TMX4: variants seen among roughly 807,000 people sequenced by gnomAD.
The protein encoded by TMX4 is thioredoxin related transmembrane protein 4, also known as thioredoxin-related transmembrane protein 4.
Under a neutral mutation model 33.3 loss-of-function variants are expected in TMX4, and 23 were observed. The observed-to-expected ratio is 0.69, with a 90% CI of 0.50 to 0.98. TMX4 has a LOEUF of 0.98. Among genes scored for constraint, TMX4 ranks in the 50% least tolerant of loss-of-function variants. The probability of loss-of-function intolerance (pLI) is 0.00; values close to 1 mark genes in which losing one functional copy is unlikely to be tolerated. For missense variants in TMX4, 399 were observed against 448.9 expected (o/e 0.89, Z 1.01); for synonymous variants, 164 against 161.5 (o/e 1.02, Z -0.12).
At chr20:8,018,368 G>GGAGGGAGAGA (rs2050786909) in intron 1 of TMX4, among the ~76,000 whole-genome samples, 4 of 67,906 alleles carry the variant, frequency 5.9e-5, no homozygotes, top group African/African-American at 3.2e-4. Context: ...GAGAGAGAGA[G>GGAGGGAGAGA]GAGAGAGAGG....
chr20:8,006,827 C>T (rs2050732877), intron 2 of TMX4, among the ~76,000 whole-genome samples: 1 of 150,560 alleles, frequency 6.6e-6, no homozygotes, highest in African/African-American at 2.5e-5. Flanking sequence ...AGCGCTATCT[C>T]GGCTCACTGC....
Position 8,001,749 on chromosome 20 carries a change from T to C in TMX4, c.293-208A>G, listed in dbSNP as rs147212039. 2.0e-5 allele frequency among the ~76,000 whole-genome samples: 3 copies of C among 152,322 alleles called. No individual in the cohort carries two copies. In the East Asian group the frequency reaches 5.8e-4, roughly 29 times the overall value. On this transcript the variant is annotated intron_variant, in intron 2 of 7. Transcript: ENST00000246024. ...GACATACAACTTGCATCACTTGGAT[T>C]GTAAGGAGGCTGAAAGGATAGGATT...
At chr20:7,990,136 A>T (rs1166093382) in intron 5 of TMX4, among the ~76,000 whole-genome samples, 1 of 152,066 alleles carries the variant, frequency 6.6e-6, no homozygotes, top group East Asian at 1.9e-4. Context: ...CTCTAACAAA[A>T]ATACAAAAAT....
chr20:7,990,708 T>G (rs2050650815), intron 5 of TMX4, among the ~76,000 whole-genome samples: 1 of 152,238 alleles, frequency 6.6e-6, no homozygotes, highest in African/African-American at 2.4e-5. Flanking sequence ...AGAGTTCACC[T>G]GTGTCATAGG....
rs563118333 is a variant in TMX4 at position 7,999,587 on chromosome 20, C to G, written c.467+145G>C. 2.2e-4 allele frequency: 194 copies of G among 894,466 alleles called. No individual in the cohort carries two copies. The African/African-American group carries it at 3.1e-3, about 14-fold the overall frequency. 55.4% of individuals were successfully genotyped at this position (894,466 alleles called of 1,614,324 possible). On this transcript the variant is annotated intron_variant, in intron 4 of 7. Coordinates refer to ENST00000246024, the MANE Select transcript of TMX4 (RefSeq NM_021156.4). ...TATGTAGGTCACAAAATCAGAAATA[C>G]TGCATGGGCTAAGCATGGCCATGAG...
intron 2 of TMX4, among the ~76,000 whole-genome samples, chr20:8,006,006 G>A (rs940153408): frequency 1.4e-5 from 2 of 139,420 alleles, no homozygotes; most frequent in Non-Finnish European, 3.1e-5. Context: ...TGATAAGGCA[G>A]GGGGGTGTCT....
rs2050604063 is a variant in TMX4 at position 7,981,162 on chromosome 20, A to G, written c.*1089T>C. 1 of 152,204 alleles carries G rather than the reference A, an allele frequency of 6.6e-6. No homozygotes were observed. The highest frequency in any genetic ancestry group is 1.5e-5 in the Non-Finnish European group (1 of 68,030). 9.4% of individuals were successfully genotyped at this position (152,204 alleles called of 1,614,324 possible). On this transcript the variant is annotated 3_prime_UTR_variant, in exon 8 of 8. Transcript: ENST00000246024. The stretch of plus-strand genomic sequence containing the variant: ...GAAGATTACAGAAGATGGAAACAAA[A>G]TCAAATCTTTCACTTTCAGGTACTG...
At position 7,979,433 on chromosome 20, in the gene TMX4, T is replaced by C. The variant is rs1166397730; in HGVS notation, c.*2818A>G. The C allele has an allele frequency of 6.6e-6, 1 of 152,128 alleles. No individual in the cohort carries two copies. Among genetic ancestry groups the C allele is most frequent in the African/African-American group, 2.4e-5 (1 of 41,424 alleles). 9.4% of individuals were successfully genotyped at this position (152,128 alleles called of 1,614,324 possible). ...CACCCTTCAATTTTTTTTAAAAGTA[T>C]TTCTGAGAAAGAAAGTACATTTTCT... On this transcript the variant is annotated 3_prime_UTR_variant, in exon 8 of 8. Coordinates refer to ENST00000246024, the MANE Select transcript of TMX4 (RefSeq NM_021156.4).
chr20:8,011,692 A>T (rs2050753884), intron 1 of TMX4, among the ~76,000 whole-genome samples: 1 of 152,122 alleles, frequency 6.6e-6, no homozygotes, highest in African/African-American at 2.4e-5. Context: ...CCAAAGCCAA[A>T]GCATTCATTA....
chr20:8,017,496 GT>G (rs2050780874), intron 1 of TMX4, among the ~76,000 whole-genome samples: 1 of 152,166 alleles, frequency 6.6e-6, no homozygotes, highest in Admixed American at 6.5e-5. Flanking sequence ...AAGCACAGAT[GT>G]TGTTGGCTCT....
intron 3 of TMX4, among the ~76,000 whole-genome samples, chr20:8,000,117 T>A (rs2050698045): frequency 6.6e-6 from 1 of 152,192 alleles, no homozygotes; most frequent in Non-Finnish European, 1.5e-5. Flanking sequence ...CTTGGCAGTG[T>A]TTAATATGCC....
In TMX4 at chr20:7,982,493, G is replaced by T. The variant is rs1469338269; in HGVS notation, c.808C>A (p.Leu270Ile). Reference protein sequence around the residue: ...LVDDEEEKEDLGDEDEAEEEE... With the variant: ...LVDDEEEKEDIGDEDEAEEEE... ...TCCTCTGCTTCATCCTCATCGCCAA[G>T]ATCTTCTTTCTCTTCTTCATCATCT... The change falls in exon 8 of 8, where the codon CTT becomes ATT. Residue 270 changes from leucine (L) to isoleucine (I), a missense_variant. Transcript: ENST00000246024. 1.9e-6 allele frequency: 3 copies of T among 1,613,792 alleles called. No individual in the cohort carries two copies. The highest frequency in any genetic ancestry group is 2.5e-6 in the Non-Finnish European group (3 of 1,179,842).
intron 6 of TMX4, among the ~76,000 whole-genome samples, chr20:7,986,872 G>GAAC (rs990378527): frequency 2.0e-5 from 3 of 151,630 alleles, no homozygotes; most frequent in Non-Finnish European, 2.9e-5. Context: ...TGGAGGATAA[G>GAAC]AACAACAACA....
intron 4 of TMX4, among the ~76,000 whole-genome samples, chr20:7,996,839 G>C (rs1450431670): frequency 6.6e-6 from 1 of 151,942 alleles, no homozygotes. Flanking sequence ...TGACCCTCCA[G>C]CTTCACAGAT....
intron 5 of TMX4, among the ~76,000 whole-genome samples, chr20:7,992,959 A>G (rs994546712): frequency 6.6e-6 from 1 of 152,238 alleles, no homozygotes; most frequent in Non-Finnish European, 1.5e-5. Flanking sequence ...AGAGAAAACT[A>G]CTGTTGATCT....
At chr20:8,019,328 T>C in intron 1 of TMX4, 110 bp downstream of exon 1, 1 of 1,267,798 alleles carries the variant, frequency 7.9e-7, no homozygotes, top group Non-Finnish European at 1.0e-6. Context: ...TGGTCCGGGG[T>C]TTTAGGTTGA....
In TMX4 at chr20:8,010,315, A is replaced by C; in HGVS notation, c.177T>G (p.Phe59Leu). 3.8e-6 allele frequency: 6 copies of C among 1,598,166 alleles called. No homozygotes were observed. The highest frequency in any genetic ancestry group is 5.1e-6 in the Non-Finnish European group (6 of 1,170,974). Residue 59 changes from phenylalanine to leucine, a missense_variant and splice_region_variant, in exon 2 of 8, where the codon TTT becomes TTG. Transcript: ENST00000246024. ...GGCAGGATGGACACCATGGGGCGTA[A>C]CTATAAGAGAAGAATAAGAATTATA... ...LVMEGEWMLKFYAPWCPSCQQ... is the reference protein window; with the variant it reads ...LVMEGEWMLKLYAPWCPSCQQ...
intron 5 of TMX4, among the ~76,000 whole-genome samples, chr20:7,989,246 GT>G (rs2050644003): frequency 1.3e-5 from 2 of 151,890 alleles, no homozygotes; most frequent in South Asian, 4.2e-4. Flanking sequence ...TTAGAAGATG[GT>G]CAAAGTCAAT....
At chr20:7,993,179 T>C (rs1163494587) in intron 5 of TMX4, among the ~76,000 whole-genome samples, 1 of 152,240 alleles carries the variant, frequency 6.6e-6, no homozygotes, top group Admixed American at 6.5e-5. Flanking sequence ...CTTGTCTCAC[T>C]GGCATTAGCC....
Sources: allele counts gnomAD v4.1 joint callset (sites outside exome capture counted in the v4.1 genomes callset), GRCh38; gene constraint gnomAD v4.1.1; transcripts MANE v1.5; gene names NCBI Gene and HGNC (gene_info 2026-07-23, HGNC 2026-07-21).